ZNF362: variants seen among roughly 807,000 people sequenced by gnomAD.
ZNF362 encodes zinc finger protein 362, also known as rotund homolog.
ZNF362 carries 11 observed loss-of-function variants against 42.9 expected under a neutral mutation model. The observed-to-expected ratio is 0.26, with a 90% CI of 0.16 to 0.42. The LOEUF (loss-of-function observed/expected upper bound fraction) is 0.42. ZNF362 is among the 20% of genes least tolerant of loss of function. The pLI is 1.00. For synonymous variants in ZNF362, 255 were observed against 257.3 expected, an observed-to-expected ratio of 0.99 and a Z score of 0.09; for missense variants, 362 against 576.2, an observed-to-expected ratio of 0.63 and a Z score of 3.81.
At chr1:33,261,960 G>C (rs1645830582) in intron 1 of ZNF362, among the ~76,000 whole-genome samples, 1 of 152,200 alleles carries the variant, frequency 6.6e-6, no homozygotes, top group African/African-American at 2.4e-5. Context: ...CTGTACAATG[G>C]GGGCAACATT....
At chr1:33,134,631 C>A in the ZNF362 span, among the ~76,000 whole-genome samples, 2 of 152,090 alleles carry the variant, frequency 1.3e-5, no homozygotes, top group Non-Finnish European at 2.9e-5. Context: ...TAGTGAGCTC[C>A]CTGGCACCAG....
At chr1:33,214,411 A>C in the ZNF362 span, among the ~76,000 whole-genome samples, 2 of 152,208 alleles carry the variant, frequency 1.3e-5, no homozygotes, top group Non-Finnish European at 2.9e-5. Context: ...AACATTGGGA[A>C]AACTCTCTAG....
chr1:33,136,846 A>G, the ZNF362 span, among the ~76,000 whole-genome samples: 1 of 151,714 alleles, frequency 6.6e-6, no homozygotes, highest in African/African-American at 2.4e-5. Flanking sequence ...AAAATACAAA[A>G]ATTAGCTGGG....
intron 1 of ZNF362, among the ~76,000 whole-genome samples, chr1:33,259,950 T>A (rs1645818424): frequency 6.6e-6 from 1 of 152,292 alleles, no homozygotes; most frequent in South Asian, 2.1e-4. Context: ...TTTCCTCAAC[T>A]CTAAAATGGG....
At chr1:33,135,775 C>CTA in the ZNF362 span, among the ~76,000 whole-genome samples, 17 of 152,234 alleles carry the variant, frequency 1.1e-4, no homozygotes, top group Non-Finnish European at 2.5e-4. Flanking sequence ...AACCTATGTG[C>CTA]TATCTTTGCC....
chr1:33,233,295 C>T, the ZNF362 span, among the ~76,000 whole-genome samples: 4 of 152,238 alleles, frequency 2.6e-5, no homozygotes, highest in African/African-American at 9.6e-5. Context: ...GCATTGATTG[C>T]ATTGTCACAT....
At chr1:33,196,440 C>T in the ZNF362 span, among the ~76,000 whole-genome samples, 12 of 152,018 alleles carry the variant, frequency 7.9e-5, no homozygotes, top group Admixed American at 2.0e-4. Context: ...TATGCATTAG[C>T]CTAGGCCCAC....
At chr1:33,240,635 ATTTG>A in the ZNF362 span, among the ~76,000 whole-genome samples, 99,594 of 151,430 alleles carry the variant, frequency 0.66, 32,982 homozygotes, top group Admixed American at 0.7. Flanking sequence ...TGCAAAATGT[ATTTG>A]TTTGTTTACA....
At chr1:33,198,964 C>G in the ZNF362 span, among the ~76,000 whole-genome samples, 71 of 151,884 alleles carry the variant, frequency 4.7e-4, no homozygotes, top group African/African-American at 1.6e-3. Flanking sequence ...GAAGATACAG[C>G]AATAGAAGCT....
the ZNF362 span, among the ~76,000 whole-genome samples, chr1:33,162,338 C>G: frequency 6.6e-6 from 1 of 152,246 alleles, no homozygotes; most frequent in Non-Finnish European, 1.5e-5. Context: ...TGGCAAACTC[C>G]TACTCATCCT....
chr1:33,148,317 C>T, the ZNF362 span, among the ~76,000 whole-genome samples: 1 of 152,170 alleles, frequency 6.6e-6, no homozygotes, highest in African/African-American at 2.4e-5. Flanking sequence ...TAACCTAACT[C>T]CATTTCATGT....
At chr1:33,129,838 G>A in the ZNF362 span, among the ~76,000 whole-genome samples, 1 of 152,166 alleles carries the variant, frequency 6.6e-6, no homozygotes, top group African/African-American at 2.4e-5. The surrounding 1 kb of genome is among the most constrained non-coding windows in gnomAD (Gnocchi z 4.1). Context: ...GCGGGGGAGA[G>A]AGGAGGTCAG....
chr1:33,154,160 C>T, the ZNF362 span, among the ~76,000 whole-genome samples: 1 of 152,186 alleles, frequency 6.6e-6, no homozygotes, highest in African/African-American at 2.4e-5. Flanking sequence ...GAATATGGCT[C>T]ATTTAAGATC....
the ZNF362 span, among the ~76,000 whole-genome samples, chr1:33,249,111 A>G: frequency 6.6e-6 from 1 of 152,240 alleles, no homozygotes; most frequent in South Asian, 2.1e-4. Context: ...CCATGGAGCT[A>G]TGAGAGTATC....
At chr1:33,135,152 T>C in the ZNF362 span, among the ~76,000 whole-genome samples, 1 of 152,172 alleles carries the variant, frequency 6.6e-6, no homozygotes, top group Non-Finnish European at 1.5e-5. Flanking sequence ...TAGCCGGGCA[T>C]GGTGGCACGT....
chr1:33,140,510 A>C, the ZNF362 span, among the ~76,000 whole-genome samples: 22 of 152,320 alleles, frequency 1.4e-4, no homozygotes, highest in African/African-American at 5.3e-4. This position sits in a 1 kb window ranked among gnomAD's most constrained non-coding sequence, Gnocchi z 4.0. Context: ...CTCAGCCTGC[A>C]GGGAGTGAGG....
the ZNF362 span, among the ~76,000 whole-genome samples, chr1:33,154,436 TTC>T: frequency 2.8e-3 from 433 of 152,308 alleles, 1 homozygote; most frequent in Non-Finnish European, 4.8e-3. Flanking sequence ...CAGCTTCTCA[TTC>T]TCTCTTCCAT....
At chr1:33,196,478 T>C in the ZNF362 span, among the ~76,000 whole-genome samples, 2 of 152,178 alleles carry the variant, frequency 1.3e-5, no homozygotes, top group South Asian at 4.1e-4. Flanking sequence ...GATATCACTG[T>C]CTTCCAAGTC....
the ZNF362 span, among the ~76,000 whole-genome samples, chr1:33,129,083 C>T: frequency 1.3e-5 from 2 of 152,006 alleles, no homozygotes; most frequent in Admixed American, 6.5e-5. The surrounding 1 kb of genome is among the most constrained non-coding windows in gnomAD (Gnocchi z 4.1). Flanking sequence ...AGGGCACTGG[C>T]GTGTACAAGG....
Sources: gnomAD v4.1 joint callset for allele counts (sites outside exome capture counted in the v4.1 genomes callset) on GRCh38, gnomAD v4.1.1 for gene constraint, Gnocchi (gnomAD v3.1) non-coding constraint, MANE v1.5 for transcripts, NCBI Gene and HGNC (gene_info 2026-07-23, HGNC 2026-07-21) for gene names.